STARD13: variants seen among roughly 807,000 people sequenced by gnomAD.
The protein encoded by STARD13 is StAR related lipid transfer domain containing 13.
In STARD13, 62 loss-of-function variants were observed where a neutral mutation model predicts 106.4. That is an observed-to-expected ratio of 0.58 (90% CI 0.48 to 0.72). The LOEUF is 0.72. STARD13 is among the 30% of genes least tolerant of loss of function. The pLI, the probability that STARD13 is intolerant of heterozygous loss-of-function variation, is 0.00. For synonymous variants in STARD13, 565 were observed against 553.0 expected, an observed-to-expected ratio of 1.02 and a Z score of -0.31; for missense variants, 1,387 against 1,424.0, an observed-to-expected ratio of 0.97 and a Z score of 0.42.
At chr13:33,650,213 C>T in the STARD13 span, among the ~76,000 whole-genome samples, 1 of 75,724 alleles carries the variant, frequency 1.3e-5, no homozygotes, top group Non-Finnish European at 2.2e-5. Flanking sequence ...TTTTTTGAGA[C>T]GGCATCTCAC....
At chr13:33,651,980 A>G in the STARD13 span, among the ~76,000 whole-genome samples, 1 of 152,208 alleles carries the variant, frequency 6.6e-6, no homozygotes, top group South Asian at 2.1e-4. Flanking sequence ...TGAATGAATG[A>G]CAGTGTCATG....
rs1884827549 is a variant in STARD13, at chr13:33,177,957, GAAGGAAGGAAGGAAGGAAGGAAGGAAGGA to G, written c.170-10364_170-10336del. Among the ~76,000 whole-genome samples the G allele has an allele frequency of 1.4e-3, 10 of 7,056 alleles. 3 individuals are homozygous for G. The highest frequency in any genetic ancestry group is 4.3e-3 in the Admixed American group (2 of 468). 4.6% of individuals were successfully genotyped at this position (7,056 alleles called of 152,430 possible). ...GAAGGAAGGAAGGAAGGAAGGAAAGGAAGGAAGGAAGGAAGGAAGGAAGGAAGGAAAGGAAGGAAGGAAGGAAGGAAGGA... is the reference window on the plus strand; with the variant it reads ...GAAGGAAGGAAGGAAGGAAGGAAAGGAAGGAAGGAAGGAAGGAAGGAAGGA... On this transcript the variant is annotated intron_variant, in intron 1 of 13. Coordinates refer to ENST00000336934, the MANE Select transcript of STARD13 (RefSeq NM_178006.4).
At chr13:33,557,438 A>G in the STARD13 span, among the ~76,000 whole-genome samples, 207 of 152,260 alleles carry the variant, frequency 1.4e-3, no homozygotes, top group African/African-American at 4.5e-3. Flanking sequence ...GTTTTTAAAA[A>G]TCTTGCAGCC....
chr13:33,415,835 A>T, the STARD13 span, among the ~76,000 whole-genome samples: 4 of 152,258 alleles, frequency 2.6e-5, no homozygotes. Flanking sequence ...AAATTGATTT[A>T]AAAAATTCTT....
the STARD13 span, among the ~76,000 whole-genome samples, chr13:33,537,361 A>C: frequency 6.6e-6 from 1 of 152,268 alleles, no homozygotes; most frequent in African/African-American, 2.4e-5. Context: ...CTTGAAGTTA[A>C]AACTGTTTGT....
chr13:33,225,323 AC>A (rs749879692), intron 1 of STARD13, among the ~76,000 whole-genome samples: 3 of 152,300 alleles, frequency 2.0e-5, no homozygotes, highest in Non-Finnish European at 2.9e-5. Context: ...CTGGTTTTTT[AC>A]AGTTATTTTC....
At chr13:33,250,180 A>C (rs2138281869) in intron 1 of STARD13, among the ~76,000 whole-genome samples, 1 of 152,330 alleles carries the variant, frequency 6.6e-6, no homozygotes, top group East Asian at 1.9e-4. Context: ...CAACAATAAA[A>C]AAAAATCTGG....
At chr13:33,491,746 G>A in the STARD13 span, among the ~76,000 whole-genome samples, 1 of 152,234 alleles carries the variant, frequency 6.6e-6, no homozygotes, top group Admixed American at 6.5e-5. Flanking sequence ...CACACAATGT[G>A]ATGAGGAGCT....
At chr13:33,215,647 A>G (rs1193215468) in intron 1 of STARD13, among the ~76,000 whole-genome samples, 1 of 152,188 alleles carries the variant, frequency 6.6e-6, no homozygotes, top group African/African-American at 2.4e-5. Flanking sequence ...GACTAGAACA[A>G]GCAGAGAAAT....
At chr13:33,162,231 G>A (rs764402080) in intron 3 of STARD13, among the ~76,000 whole-genome samples, 12 of 152,164 alleles carry the variant, frequency 7.9e-5, no homozygotes, top group East Asian at 1.9e-4. Context: ...TTCTGCCTAC[G>A]ACACAGGGCA....
chr13:33,582,898 A>G, the STARD13 span, among the ~76,000 whole-genome samples: 1 of 152,160 alleles, frequency 6.6e-6, no homozygotes, highest in Non-Finnish European at 1.5e-5. Flanking sequence ...CAAAAACTGG[A>G]ATCACATTTC....
intron 1 of STARD13, among the ~76,000 whole-genome samples, chr13:33,251,601 G>A (rs544030416): frequency 1.3e-5 from 2 of 152,152 alleles, no homozygotes; most frequent in East Asian, 1.9e-4. Flanking sequence ...TCCCACATAA[G>A]AGGCTGGTAG....
the STARD13 span, among the ~76,000 whole-genome samples, chr13:33,378,186 C>G: frequency 6.6e-6 from 1 of 152,140 alleles, no homozygotes; most frequent in African/African-American, 2.4e-5. Context: ...ACTGGCAAAG[C>G]AAGCAAGCCC....
chr13:33,240,486 A>T (rs973845358), intron 1 of STARD13, among the ~76,000 whole-genome samples: 1 of 152,162 alleles, frequency 6.6e-6, no homozygotes, highest in African/African-American at 2.4e-5. Flanking sequence ...TAGTATAAAC[A>T]TTTTAACAAT....
the STARD13 span, chr13:33,359,718 T>TAAATG: frequency 6.6e-6 from 1 of 152,486 alleles, no homozygotes; most frequent in East Asian, 1.9e-4. Context: ...CCCTTGCCAT[T>TAAATG]CTTCAGAGGC....
At chr13:33,338,665 T>A (rs61945470) in intron 1 of STARD13, among the ~76,000 whole-genome samples, 1 of 151,982 alleles carries the variant, frequency 6.6e-6, no homozygotes, top group East Asian at 1.9e-4. Flanking sequence ...AATGAGTTTA[T>A]AAGATATAGG....
the STARD13 span, among the ~76,000 whole-genome samples, chr13:33,429,436 A>G: frequency 1.3e-5 from 2 of 152,274 alleles, no homozygotes; most frequent in Non-Finnish European, 2.9e-5. Context: ...TTCTACTAAA[A>G]ATACAAAAAA....
chr13:33,610,136 G>A, the STARD13 span, among the ~76,000 whole-genome samples: 1 of 152,006 alleles, frequency 6.6e-6, no homozygotes, highest in African/African-American at 2.4e-5. Context: ...GATATTTAAA[G>A]GATATCATTT....
the STARD13 span, among the ~76,000 whole-genome samples, chr13:33,612,332 T>C: frequency 6.6e-6 from 1 of 152,326 alleles, no homozygotes; most frequent in Admixed American, 6.5e-5. Context: ...CTTAAGACAC[T>C]TGACTTTCCT....
Sources: allele counts gnomAD v4.1 joint callset (sites outside exome capture counted in the v4.1 genomes callset), GRCh38; gene constraint gnomAD v4.1.1; transcripts MANE v1.5; gene names NCBI Gene and HGNC (gene_info 2026-07-23, HGNC 2026-07-21).